Variants in PALLD observed in about 807,000 individuals in gnomAD.
PALLD encodes the protein palladin, cytoskeletal associated protein.
PALLD carries 61 observed loss-of-function variants against 123.5 expected under a neutral mutation model. The ratio of observed to expected loss-of-function variants is 0.49; its 90% CI spans 0.40 to 0.61. The LOEUF is 0.61. PALLD is among the 20% of genes least tolerant of loss of function. The pLI is 0.00. For missense variants in PALLD, 1,273 were observed against 1,377.0 expected (o/e 0.92, Z 1.20); for synonymous variants, 465 against 496.4 (o/e 0.94, Z 0.84).
chr4:168,859,391 G>T (rs1749102670), intron 10 of PALLD, among the ~76,000 whole-genome samples: 1 of 152,212 alleles, frequency 6.6e-6, no homozygotes, highest in South Asian at 2.1e-4. Flanking sequence ...GGCTCTGCTG[G>T]AGATGGAGGG....
intron 10 of PALLD, among the ~76,000 whole-genome samples, chr4:168,822,555 C>T (rs76845032): frequency 2.6e-5 from 4 of 152,330 alleles, no homozygotes; most frequent in East Asian, 1.9e-4. Flanking sequence ...TCTTCAGACA[C>T]GGAGTCCAAC....
chr4:168,570,860 C>T (rs1467557989), intron 2 of PALLD, among the ~76,000 whole-genome samples: 3 of 152,120 alleles, frequency 2.0e-5, no homozygotes, highest in East Asian at 1.9e-4. Context: ...CAGTTCTTAT[C>T]CTCCAACATC....
chr4:168,868,365 G>A (rs1205882128), intron 10 of PALLD, among the ~76,000 whole-genome samples: 1 of 152,162 alleles, frequency 6.6e-6, no homozygotes, highest in African/African-American at 2.4e-5. Context: ...GAATGGTAGA[G>A]AATAAAAACA....
rs148571054 is a variant in PALLD at position 168,776,111 on chromosome 4, A to G, written c.1964+64188A>G. On this transcript the variant is annotated intron_variant, in intron 10 of 21. Transcript: ENST00000505667. ...TGAATCAAGGTTATTTTGAACTTAT[A>G]GATCAATTTGAGGAACGTTGACATC... Among the ~76,000 whole-genome samples the G allele has an allele frequency of 2.6e-5, 4 of 152,366 alleles. No individual in the cohort carries two copies. In the East Asian group the frequency reaches 7.7e-4, roughly 29 times the overall value.
intron 10 of PALLD, among the ~76,000 whole-genome samples, chr4:168,768,070 T>A (rs527401283): frequency 1.3e-5 from 2 of 152,338 alleles, no homozygotes; most frequent in South Asian, 4.2e-4. Context: ...CTTCAAGACG[T>A]AGTTCAAATG....
At chr4:168,538,024 G>A (rs151075498) in intron 2 of PALLD, among the ~76,000 whole-genome samples, 1 of 152,108 alleles carries the variant, frequency 6.6e-6, no homozygotes, top group Non-Finnish European at 1.5e-5. Flanking sequence ...TATATTCTTG[G>A]ATCTTTTCCC....
chr4:168,633,615 C>T (rs1226770218), intron 2 of PALLD, among the ~76,000 whole-genome samples: 1 of 151,764 alleles, frequency 6.6e-6, no homozygotes, highest in East Asian at 1.9e-4. Context: ...TTGAAAATCT[C>T]CCTTCATTTA....
chr4:168,811,622 G>A (rs547891248), intron 10 of PALLD, among the ~76,000 whole-genome samples: 1 of 152,154 alleles, frequency 6.6e-6, no homozygotes, highest in East Asian at 1.9e-4. Context: ...TGTAGTCCCC[G>A]CTACTCAAGA....
intron 2 of PALLD, among the ~76,000 whole-genome samples, chr4:168,535,565 T>G (rs1469145156): frequency 6.6e-6 from 1 of 152,210 alleles, no homozygotes; most frequent in Non-Finnish European, 1.5e-5. Context: ...CAGGGGTGTA[T>G]GCGTATACCA....
At chr4:168,883,260 T>C (rs1752879803) in intron 10 of PALLD, among the ~76,000 whole-genome samples, 1 of 152,188 alleles carries the variant, frequency 6.6e-6, no homozygotes, top group South Asian at 2.1e-4. Context: ...ACCGTAAAAT[T>C]CAGTAAAAGG....
At chr4:168,873,167 G>A (rs1301145135) in intron 10 of PALLD, among the ~76,000 whole-genome samples, 1 of 152,182 alleles carries the variant, frequency 6.6e-6, no homozygotes, top group Non-Finnish European at 1.5e-5. Context: ...GTACAGAATT[G>A]CAGTAAGAAA....
intron 2 of PALLD, among the ~76,000 whole-genome samples, chr4:168,581,372 G>A (rs4616715): frequency 0.56 from 84,538 of 151,656 alleles, 23,978 homozygotes; most frequent in East Asian, 0.9. Flanking sequence ...CCCACCAACA[G>A]TGTACAAGGG....
chr4:168,691,258 G>A lies in PALLD; in HGVS notation c.1478-11G>A, dbSNP rs769887795. 6.2e-7 allele frequency: 1 copy of A among 1,605,016 alleles called. No homozygotes were observed. The highest frequency in any genetic ancestry group is 1.3e-5 in the African/African-American group (1 of 74,580). ...CTTTGTTCTAATTTATTTTTTTCAT[G>A]TGGCAAACAGAACCTAGATCTACAG... On this transcript the variant is annotated splice_polypyrimidine_tract_variant and intron_variant, in intron 7 of 21. Coordinates refer to ENST00000505667, the MANE Select transcript of PALLD (RefSeq NM_001166108.2).
At chr4:168,805,363 G>A (rs1479120707) in intron 10 of PALLD, among the ~76,000 whole-genome samples, 1 of 151,972 alleles carries the variant, frequency 6.6e-6, no homozygotes, top group Non-Finnish European at 1.5e-5. Flanking sequence ...TTTAAGGGAG[G>A]GACAGATGTG....
intron 2 of PALLD, among the ~76,000 whole-genome samples, chr4:168,557,801 T>C (rs1767474966): frequency 6.6e-6 from 1 of 152,198 alleles, no homozygotes; most frequent in Non-Finnish European, 1.5e-5. Flanking sequence ...CTACCCCAGT[T>C]AGGACCTACT....
chr4:168,899,973 A>T (rs778994209), intron 14 of PALLD, among the ~76,000 whole-genome samples: 2 of 152,144 alleles, frequency 1.3e-5, no homozygotes, highest in Non-Finnish European at 2.9e-5. Context: ...TCTGCATGGT[A>T]TACAGAAGTG....
intron 10 of PALLD, among the ~76,000 whole-genome samples, chr4:168,719,122 G>T (rs13104002): frequency 6.6e-6 from 1 of 151,638 alleles, no homozygotes; most frequent in Non-Finnish European, 1.5e-5. Flanking sequence ...TGGTCAGGCT[G>T]GTCTCAAACT....
At chr4:168,753,236 G>A (rs1323431216) in intron 10 of PALLD, among the ~76,000 whole-genome samples, 1 of 152,042 alleles carries the variant, frequency 6.6e-6, no homozygotes, top group Non-Finnish European at 1.5e-5. Flanking sequence ...CAAGGAGAAA[G>A]TAGGGAGGTA....
At chr4:168,629,884 C>T (rs1775650356) in intron 2 of PALLD, among the ~76,000 whole-genome samples, 1 of 152,188 alleles carries the variant, frequency 6.6e-6, no homozygotes, top group East Asian at 1.9e-4. Context: ...TCAGTTTCAT[C>T]CCCACAAGCA....
Sources: allele counts gnomAD v4.1 joint callset (sites outside exome capture counted in the v4.1 genomes callset), GRCh38; gene constraint gnomAD v4.1.1; transcripts MANE v1.5; gene names NCBI Gene and HGNC (gene_info 2026-07-23, HGNC 2026-07-21).